ACADL: variants seen among roughly 807,000 people sequenced by gnomAD.
The protein encoded by ACADL is acyl-CoA dehydrogenase long chain.
ACADL carries 60 observed loss-of-function variants against 56.9 expected under a neutral mutation model. The observed-to-expected ratio is 1.05, with a 90% CI of 0.86 to 1.31. The LOEUF (loss-of-function observed/expected upper bound fraction) is 1.31. Among genes scored for constraint, ACADL ranks in the 50% most tolerant of loss-of-function variants. The pLI is 0.00. For missense variants in ACADL, 484 were observed against 525.5 expected, an observed-to-expected ratio of 0.92 and a Z score of 0.77; for synonymous variants, 158 against 179.7, an observed-to-expected ratio of 0.88 and a Z score of 0.97.
chr2:210,204,716 C>A, intron 6 of ACADL, 34 bp from the exon 7 acceptor site: 1 of 1,432,448 alleles, frequency 7.0e-7, no homozygotes, highest in Non-Finnish European at 9.8e-7. Context: ...AGAGAATGGT[C>A]TCATTTAAAT....
intron 5 of ACADL, 74 bp from the exon 6 acceptor site, chr2:210,205,870 G>A (rs1688880355): frequency 1.3e-6 from 2 of 1,574,576 alleles, no homozygotes; most frequent in East Asian, 2.2e-5. Flanking sequence ...TTGGGAGAAA[G>A]TATATTACAG....
At chr2:210,219,347 C>A (rs1689139466) in intron 2 of ACADL, among the ~76,000 whole-genome samples, 1 of 152,016 alleles carries the variant, frequency 6.6e-6, no homozygotes, top group African/African-American at 2.4e-5. Flanking sequence ...ACCTGTAATC[C>A]CAGCACTTTG....
In ACADL at chr2:210,220,882, G is replaced by C; in HGVS notation, c.78-80C>G. Reference sequence around the variant, plus strand: ...CCAAATTAGTGCCACTGAACAACATGGATTTCTTTCACAGAGAAACTTGAG... The same window carrying C: ...CCAAATTAGTGCCACTGAACAACATCGATTTCTTTCACAGAGAAACTTGAG... On this transcript the variant is annotated intron_variant, in intron 1 of 10. Coordinates refer to ENST00000233710, the MANE Select transcript of ACADL (RefSeq NM_001608.4). 3.5e-6 allele frequency: 4 copies of C among 1,151,778 alleles called. No individual in the cohort carries two copies. In the South Asian group the frequency reaches 5.6e-5, roughly 16 times the overall value. The allele number at this position is 1,151,778 out of a possible 1,614,324, so 71.3% of individuals were successfully genotyped here.
At position 210,197,921 on chromosome 2, in the gene ACADL, T is replaced by G. The variant is rs1326929689; in HGVS notation, c.985-2583A>C. Among the ~76,000 whole-genome samples, 5 of 152,316 alleles carry G rather than the reference T, an allele frequency of 3.3e-5. No homozygotes were observed. In the East Asian group the frequency reaches 9.6e-4, roughly 29 times the overall value. On this transcript the variant is annotated intron_variant, in intron 8 of 10. Coordinates refer to ENST00000233710, the MANE Select transcript of ACADL (RefSeq NM_001608.4). ...ATTTACTCTCTGAGGATAAAAAGAT[T>G]AAATATTTACATATTCTTGCCATTG...
chr2:210,205,720 G>T lies in ACADL; in HGVS notation c.680C>A (p.Ala227Asp). 6.2e-7 allele frequency: 1 copy of T among 1,613,926 alleles called. No individual in the cohort carries two copies. The highest frequency in any genetic ancestry group is 8.5e-7 in the Non-Finnish European group (1 of 1,179,932). The stretch of plus-strand genomic sequence containing the variant: ...CACCAGAAAAAGGCTAATACCATGG[G>T]CAGGGGAGGGAGCTTCATGATTTGT... ...AVTNHEAPSP[A>D]HGISLFLVEN... The change falls in exon 6 of 11, where the codon GCC (alanine) becomes GAC (aspartate). Residue 227 changes from alanine to aspartate, a missense_variant. Transcript: ENST00000233710.
chr2:210,198,485 C>A (rs1199119533), intron 8 of ACADL, among the ~76,000 whole-genome samples: 1 of 152,004 alleles, frequency 6.6e-6, no homozygotes, highest in Non-Finnish European at 1.5e-5. Context: ...GAACACATAC[C>A]ACACAGGAAA....
At position 210,203,374 on chromosome 2, in the gene ACADL, AC is replaced by A. The variant is rs768043437; in HGVS notation, c.940del (p.Val314LeufsTer21). 2 of 1,613,578 alleles carry A rather than the reference AC, an allele frequency of 1.2e-6. No individual in the cohort carries two copies. The highest frequency in any genetic ancestry group is 1.7e-6 in the Non-Finnish European group (2 of 1,179,740). On this transcript the variant is annotated frameshift_variant, in exon 8 of 11. Coordinates refer to ENST00000233710, the MANE Select transcript of ACADL (RefSeq NM_001608.4). LOFTEE classifies it high-confidence loss of function. ...EFMFEETRNY[V>X]KQRKAFGKTV... ...TTTGCCAAAAGCTTTTCTTTGTTTA[AC>A]ATAGTTCCTGGTTTCTTCAAACATG... is the stretch of plus-strand genomic sequence containing the variant.
rs538535299 is a variant in ACADL, at chr2:210,217,818, C to T, written c.371+147G>A. On this transcript the variant is annotated intron_variant, in intron 3 of 10. Transcript: ENST00000233710. ...CAAAAAATGTGCAAGAGTGCATGAG[C>T]GGTATAATCTTTTACATTTTACACT... The T allele has an allele frequency of 1.9e-4, 196 of 1,014,792 alleles. 1 individual carries two copies. The South Asian group carries it at 2.5e-3, about 13-fold the overall frequency. The allele number at this position is 1,014,792 out of a possible 1,614,324, so 62.9% of individuals were successfully genotyped here. A position where few individuals can be genotyped will look rare whatever the true frequency, so the allele number is the denominator to read the frequency against.
intron 5 of ACADL, among the ~76,000 whole-genome samples, chr2:210,208,300 G>A (rs1688922911): frequency 2.0e-5 from 3 of 152,210 alleles, no homozygotes; most frequent in Non-Finnish European, 4.4e-5. Context: ...GGTAAATCAA[G>A]TGGAGTTCTC....
rs1424392375 is a variant in ACADL, at chr2:210,224,864, C to T, written c.77+323G>A. 4.6e-6 allele frequency: 5 copies of T among 1,082,864 alleles called. No homozygotes were observed. The African/African-American group carries it at 5.0e-5, about 11-fold the overall frequency. 67.1% of individuals were successfully genotyped at this position (1,082,864 alleles called of 1,614,324 possible). On this transcript the variant is annotated intron_variant, in intron 1 of 10. Transcript: ENST00000233710. ...TCCCAAAACGCAGGCTCCCGGGTCC[C>T]ACTGCAGGCCGCTGAACTAGACGGG... is the stretch of plus-strand genomic sequence containing the variant.
intron 8 of ACADL, among the ~76,000 whole-genome samples, chr2:210,199,637 T>G (rs1474236831): frequency 2.0e-5 from 3 of 152,106 alleles, no homozygotes. Flanking sequence ...ATTAAGTTCA[T>G]AAACACAGGA....
At chr2:210,224,801 C>T in intron 1 of ACADL, 1 of 998,680 alleles carries the variant, frequency 1.0e-6, no homozygotes. Context: ...GATCGCAGCC[C>T]GCGCTCCTGC....
rs1032157903 is a variant in ACADL, at chr2:210,220,843, G to A, written c.78-41C>T. ...ATGCAATAGGAAAAGTAAGTGAATT[G>A]TTACTCTTCATATCCAAATTAGTGC... On this transcript the variant is annotated intron_variant, in intron 1 of 10. Coordinates refer to ENST00000233710, the MANE Select transcript of ACADL (RefSeq NM_001608.4). 6 of 1,467,940 alleles carry A rather than the reference G, an allele frequency of 4.1e-6. No homozygotes were observed. The African/African-American group carries it at 8.4e-5, about 21-fold the overall frequency. 90.9% of individuals were successfully genotyped at this position (1,467,940 alleles called of 1,614,324 possible). A position where few individuals can be genotyped will look rare whatever the true frequency, so the allele number is the denominator to read the frequency against.
In ACADL at chr2:210,193,929, G is replaced by T. The variant is rs147552320; in HGVS notation, c.1113-1039C>A. Among the ~76,000 whole-genome samples, 57 of 152,202 alleles carry T rather than the reference G, an allele frequency of 3.7e-4. No homozygotes were observed. In the East Asian group the frequency reaches 0.011, roughly 28 times the overall value. ...ATTTAAAACTCAGACCATACGACAG[G>T]TGAGGATATTTCTAAGCAATATATT... On this transcript the variant is annotated intron_variant, in intron 9 of 10. Coordinates refer to ENST00000233710, the MANE Select transcript of ACADL (RefSeq NM_001608.4).
At chr2:210,222,013 G>A (rs1289242169) in intron 1 of ACADL, among the ~76,000 whole-genome samples, 1 of 152,134 alleles carries the variant, frequency 6.6e-6, no homozygotes, top group Non-Finnish European at 1.5e-5. Context: ...ACAGGCATGA[G>A]CTATTGTGCC....
chr2:210,207,795 A>G (rs1688912571), intron 5 of ACADL, among the ~76,000 whole-genome samples: 1 of 152,206 alleles, frequency 6.6e-6, no homozygotes, highest in African/African-American at 2.4e-5. Flanking sequence ...TGGTGGCAGT[A>G]TGGTTATAGG....
chr2:210,198,057 A>G (rs1167783025), intron 8 of ACADL, among the ~76,000 whole-genome samples: 2 of 152,204 alleles, frequency 1.3e-5, no homozygotes, highest in Non-Finnish European at 2.9e-5. Context: ...ACCACACATT[A>G]CTAGTCAAGT....
intron 2 of ACADL, 69 bp downstream of exon 2, chr2:210,220,578 T>C: frequency 7.0e-7 from 1 of 1,422,400 alleles, no homozygotes; most frequent in Non-Finnish European, 9.9e-7. Flanking sequence ...TAGCAATATA[T>C]GGCATTCTAG....
intron 3 of ACADL, 154 bp downstream of exon 3, chr2:210,217,811 G>C: frequency 1.1e-6 from 1 of 928,240 alleles, no homozygotes; most frequent in Non-Finnish European, 1.7e-6. Context: ...GTGCAAGAGT[G>C]CATGAGCGGT....
Sources: allele counts gnomAD v4.1 joint callset (sites outside exome capture counted in the v4.1 genomes callset), GRCh38; gene constraint gnomAD v4.1.1; transcripts MANE v1.5; gene names NCBI Gene and HGNC (gene_info 2026-07-23, HGNC 2026-07-21).